Variants in NTRK3 observed in about 807,000 individuals in gnomAD.
NTRK3 encodes the protein NT-3 growth factor receptor.
In NTRK3, 24 loss-of-function variants were observed where a neutral mutation model predicts 91.7. The ratio of observed to expected loss-of-function variants is 0.26; its 90% CI spans 0.19 to 0.37. NTRK3 has a LOEUF of 0.37. Ranked by LOEUF, NTRK3 falls within the 10% of genes least tolerant of loss-of-function variation. The probability of loss-of-function intolerance (pLI) is 1.00; values close to 1 mark genes in which losing one functional copy is unlikely to be tolerated. For synonymous variants in NTRK3, 483 were observed against 404.0 expected (o/e 1.20, Z -2.34); for missense variants, 880 against 1,068.9 (o/e 0.82, Z 2.46).
intron 13 of NTRK3, among the ~76,000 whole-genome samples, chr15:88,065,723 C>T (rs2046593408): frequency 2.0e-5 from 3 of 152,200 alleles, no homozygotes; most frequent in Non-Finnish European, 4.4e-5. Flanking sequence ...GGGAACCTCT[C>T]TTATGTACAA....
intron 13 of NTRK3, among the ~76,000 whole-genome samples, chr15:88,095,326 A>G (rs2150804873): frequency 6.6e-6 from 1 of 152,368 alleles, no homozygotes; most frequent in Admixed American, 6.5e-5. Flanking sequence ...TATCTGACCA[A>G]GTACATTGCA....
chr15:88,144,329 C>T (rs1434938989), intron 6 of NTRK3, among the ~76,000 whole-genome samples: 2 of 152,174 alleles, frequency 1.3e-5, no homozygotes, highest in African/African-American at 2.4e-5. Context: ...CCCCCCTGGA[C>T]AGAGGGGAAG....
chr15:88,124,974 A>G (rs566555573), intron 13 of NTRK3, among the ~76,000 whole-genome samples: 1 of 152,272 alleles, frequency 6.6e-6, no homozygotes, highest in East Asian at 1.9e-4. Flanking sequence ...CCCTGTACCC[A>G]TTTTTTGTTT....
At chr15:88,118,763 T>C (rs1198012496) in intron 13 of NTRK3, among the ~76,000 whole-genome samples, 1 of 152,196 alleles carries the variant, frequency 6.6e-6, no homozygotes, top group Non-Finnish European at 1.5e-5. Flanking sequence ...TGATCTCACC[T>C]GTCACATGAG....
chr15:88,124,780 TTTTG>T (rs1320552702), intron 13 of NTRK3, among the ~76,000 whole-genome samples: 1 of 152,224 alleles, frequency 6.6e-6, no homozygotes, highest in Non-Finnish European at 1.5e-5. Context: ...AGTGGTCTGA[TTTTG>T]TTTAAGTCAT....
chr15:88,069,889 C>T (rs186646289), intron 13 of NTRK3, among the ~76,000 whole-genome samples: 1 of 152,280 alleles, frequency 6.6e-6, no homozygotes, highest in East Asian at 1.9e-4. Flanking sequence ...AAGGTGCCTC[C>T]TCTCTGGCAC....
At chr15:88,161,358 G>C (rs967962780) in intron 5 of NTRK3, among the ~76,000 whole-genome samples, 1 of 152,134 alleles carries the variant, frequency 6.6e-6, no homozygotes, top group Non-Finnish European at 1.5e-5. Context: ...CAGAGTCTGT[G>C]CCCTTTACTA....
chr15:88,060,244 C>A (rs1027839676), intron 13 of NTRK3, among the ~76,000 whole-genome samples: 1 of 152,008 alleles, frequency 6.6e-6, no homozygotes, highest in Non-Finnish European at 1.5e-5. Flanking sequence ...ATTAGCCAGG[C>A]ATGGTGGCAG....
intron 17 of NTRK3, among the ~76,000 whole-genome samples, chr15:87,919,111 G>C (rs2067665280): frequency 1.0e-5 from 1 of 99,878 alleles, no homozygotes; most frequent in South Asian, 3.1e-4. Context: ...AAGATGAAAA[G>C]CCTCACACAG....
At chr15:87,903,696 G>A (rs1001235248) in intron 17 of NTRK3, among the ~76,000 whole-genome samples, 2 of 152,248 alleles carry the variant, frequency 1.3e-5, no homozygotes, top group African/African-American at 2.4e-5. Flanking sequence ...GAGGACATGC[G>A]ATACCCTGTA....
chr15:87,980,533 A>G (rs112309150), intron 14 of NTRK3, among the ~76,000 whole-genome samples: 3 of 151,856 alleles, frequency 2.0e-5, no homozygotes, highest in East Asian at 1.9e-4. Context: ...GTGTACACAT[A>G]TGTGTGTGTT....
At chr15:87,955,876 CT>C (rs547569786) in intron 14 of NTRK3, among the ~76,000 whole-genome samples, 138 of 152,242 alleles carry the variant, frequency 9.1e-4, no homozygotes, top group African/African-American at 3.2e-3. Context: ...ATGCATTAAA[CT>C]TTATAGTGTG....
chr15:88,065,447 A>G (rs2046568933), intron 13 of NTRK3, among the ~76,000 whole-genome samples: 1 of 152,092 alleles, frequency 6.6e-6, no homozygotes, highest in African/African-American at 2.4e-5. Context: ...CTGCTTGGTG[A>G]CCAGATGGTT....
At chr15:88,209,029 G>A (rs1400654895) in intron 3 of NTRK3, among the ~76,000 whole-genome samples, 1 of 152,142 alleles carries the variant, frequency 6.6e-6, no homozygotes, top group Non-Finnish European at 1.5e-5. Flanking sequence ...ACTAATAAGG[G>A]AAATAAATCT....
chr15:88,135,036 A>G, intron 10 of NTRK3, 65 bp downstream of exon 10: 1 of 1,576,208 alleles, frequency 6.3e-7, no homozygotes, highest in Non-Finnish European at 8.7e-7. Flanking sequence ...TCAAGCTACC[A>G]TGCCCCATCT....
At chr15:88,057,318 G>A (rs535878039) in intron 13 of NTRK3, among the ~76,000 whole-genome samples, 15 of 151,252 alleles carry the variant, frequency 9.9e-5, no homozygotes, top group Non-Finnish European at 2.1e-4. Context: ...CCAACATGGC[G>A]AAACCCCGTT....
chr15:87,983,730 G>A (rs1388132779), intron 14 of NTRK3, among the ~76,000 whole-genome samples: 1 of 152,162 alleles, frequency 6.6e-6, no homozygotes, highest in Non-Finnish European at 1.5e-5. Context: ...CTCATTTGTG[G>A]AAAACCAATA....
intron 14 of NTRK3, among the ~76,000 whole-genome samples, chr15:87,983,520 C>T (rs1167138325): frequency 1.3e-5 from 2 of 152,184 alleles, no homozygotes; most frequent in African/African-American, 4.8e-5. Context: ...GTGCCAGTGA[C>T]AGGTATCACC....
intron 8 of NTRK3, 55 bp from the exon 9 acceptor site, chr15:88,136,095 G>A: frequency 1.2e-6 from 2 of 1,600,176 alleles, no homozygotes; most frequent in Non-Finnish European, 1.7e-6. Context: ...GGATGGCTCT[G>A]CTACCTAATC....
Sources: allele counts gnomAD v4.1 joint callset (sites outside exome capture counted in the v4.1 genomes callset), GRCh38; gene constraint gnomAD v4.1.1; transcripts MANE v1.5; gene names NCBI Gene and HGNC (gene_info 2026-07-23, HGNC 2026-07-21).